Variants in SLC25A35 observed in about 807,000 individuals in gnomAD.
SLC25A35 encodes solute carrier family 25, member 35.
A neutral mutation model predicts 30.5 loss-of-function variants in SLC25A35; 32 were observed. The observed-to-expected ratio is 1.05, with a 90% CI of 0.79 to 1.41. The LOEUF is 1.41. Ranked by LOEUF, SLC25A35 falls within the 40% of genes most tolerant of loss-of-function variation. The pLI, the probability that SLC25A35 is intolerant of heterozygous loss-of-function variation, is 0.00. For synonymous variants in SLC25A35, 142 were observed against 158.1 expected, an observed-to-expected ratio of 0.90 and a Z score of 0.77; for missense variants, 369 against 388.0, an observed-to-expected ratio of 0.95 and a Z score of 0.41.
At chr17:8,291,122 G>T (rs996851421) in intron 3 of SLC25A35, 146 bp from the exon 4 acceptor site, 2 of 1,323,782 alleles carry the variant, frequency 1.5e-6, no homozygotes, top group Non-Finnish European at 1.0e-6. Context: ...CAGTGAGAAG[G>T]AGGAAGGCCA....
In SLC25A35 at chr17:8,290,359, T is replaced by C; in HGVS notation, c.*146A>G. 1 of 1,444,790 alleles carries C rather than the reference T, an allele frequency of 6.9e-7. No individual in the cohort carries two copies. The highest frequency in any genetic ancestry group is 9.1e-7 in the Non-Finnish European group (1 of 1,104,212). The allele number at this position is 1,444,790 out of a possible 1,614,324, so 89.5% of individuals were successfully genotyped here. A position where few individuals can be genotyped will look rare whatever the true frequency, so the allele number is the denominator to read the frequency against. The stretch of plus-strand genomic sequence containing the variant: ...AAGGGAAACTCATCTCTTGTAGTGA[T>C]TCAACCCTGAGAACAGATGGGGAGT... On this transcript the variant is annotated 3_prime_UTR_variant, in exon 5 of 5. Coordinates refer to ENST00000577745, the MANE Select transcript of SLC25A35 (RefSeq NM_001320870.2).
intron 1 of SLC25A35, among the ~76,000 whole-genome samples, chr17:8,293,632 A>G (rs2151621039): frequency 6.6e-6 from 1 of 150,476 alleles, no homozygotes; most frequent in Middle Eastern, 3.4e-3. Flanking sequence ...GCTCACTGCA[A>G]GCTCCGCCTC....
At chr17:8,289,480 C>T (rs1990308088), downstream of SLC25A35, 1 of 1,614,176 alleles carries the variant, frequency 6.2e-7, no homozygotes, top group Non-Finnish European at 8.5e-7. Flanking sequence ...TCCAGGTAAG[C>T]ATCCTGACTC....
At position 8,294,727 on chromosome 17, in the gene SLC25A35, C is replaced by A; in HGVS notation, c.81G>T (p.Met27Ile). 1.9e-6 allele frequency: 3 copies of A among 1,614,126 alleles called. No homozygotes were observed. The highest frequency in any genetic ancestry group is 1.7e-6 in the Non-Finnish European group (2 of 1,179,992). ...TNPLEVVKTR[M>I]QLQGELQAPG... ...GGGCCTGCAGTTCTCCTTGCAACTG[C>A]ATCCTGGTCTTCACCACCTCCAGGG... The change falls in exon 1 of 5, where the codon ATG (methionine) becomes ATT (isoleucine). Residue 27 changes from methionine (M) to isoleucine (I), a missense_variant. Transcript: ENST00000577745.
chr17:8,295,228 G>C lies in SLC25A35; in HGVS notation c.-421C>G, dbSNP rs977196762. The C allele has an allele frequency of 5.0e-6, 5 of 993,588 alleles. No individual in the cohort carries two copies. In the African/African-American group the frequency reaches 8.7e-5, roughly 17 times the overall value. The allele number at this position is 993,588 out of a possible 1,614,324, so 61.5% of individuals were successfully genotyped here. On this transcript the variant is annotated 5_prime_UTR_variant, in exon 1 of 5. Coordinates refer to ENST00000577745, the MANE Select transcript of SLC25A35 (RefSeq NM_001320870.2). ...AGCAAGTGAGAGAAGAAAAGGATCC[G>C]GGAGAAGAGCCGGTGATTTCCTCGA...
In SLC25A35 at chr17:8,291,378, C is replaced by T. The variant is rs1444501320; in HGVS notation, c.549G>A (p.Gln183=). 1.8e-5 allele frequency: 29 copies of T among 1,614,078 alleles called. No homozygotes were observed. The highest frequency in any genetic ancestry group is 2.4e-5 in the Non-Finnish European group (28 of 1,180,052). ...LPRVIVGSST[Q]LCTFSSTKDL... is the part of the protein sequence containing the mutation. ...CCTTGGTGGATGAGAAGGTGCACAG[C>T]TGGGTGGAGGAACCGACGATAACTC... The change falls in exon 3 of 5, where the codon CAG becomes CAA. Residue 183 remains glutamine (Q), a synonymous_variant. Transcript: ENST00000577745.
chr17:8,290,628 G>A lies in SLC25A35; in HGVS notation c.780C>T (p.Thr260=), dbSNP rs940570054. The A allele has an allele frequency of 7.8e-6, 12 of 1,540,858 alleles. No individual in the cohort carries two copies. The highest frequency in any genetic ancestry group is 1.2e-5 in the South Asian group (1 of 85,150). ...ILDALLQTAR[T]EGIFGMYKGI... The stretch of plus-strand genomic sequence containing the variant: ...CCTTGTACATGCCAAAAATGCCCTC[G>A]GTCCGAGCTGTCTGCAGCAGAGCGT... The change falls in exon 5 of 5, where the codon ACC becomes ACT. Residue 260 remains threonine (T), a synonymous_variant. Transcript: ENST00000577745.
chr17:8,292,775 G>A (rs777944304), intron 1 of SLC25A35, among the ~76,000 whole-genome samples, 187 bp from the exon 2 acceptor site: 4 of 152,146 alleles, frequency 2.6e-5, no homozygotes, highest in Non-Finnish European at 5.9e-5. Flanking sequence ...CCAGCCCCAG[G>A]GGGGTGGATC....
At chr17:8,289,054 G>A (rs750625803), downstream of SLC25A35, 5 of 1,613,628 alleles carry the variant, frequency 3.1e-6, no homozygotes, top group East Asian at 2.2e-5. Context: ...GCCCACGTAC[G>A]GGGCGAAGCG....
chr17:8,289,721 T>A, downstream of SLC25A35: 1 of 1,613,892 alleles, frequency 6.2e-7, no homozygotes, highest in South Asian at 1.1e-5. Flanking sequence ...TTGGGGTAAC[T>A]GATACCCAGG....
In SLC25A35 at chr17:8,290,640, C is replaced by T. The variant is rs1240888162; in HGVS notation, c.768G>A (p.Gln256=). The part of the protein sequence containing the change: ...MYRGILDALL[Q]TARTEGIFGM... Reference sequence around the variant, plus strand: ...CAAAAATGCCCTCGGTCCGAGCTGTCTGCAGCAGAGCGTCCAGTATCCCCC... The same window carrying T: ...CAAAAATGCCCTCGGTCCGAGCTGTTTGCAGCAGAGCGTCCAGTATCCCCC... The change falls in exon 5 of 5, where the codon CAG becomes CAA. Residue 256 remains glutamine (Q), a synonymous_variant. Transcript: ENST00000577745. 16 of 1,549,742 alleles carry T rather than the reference C, an allele frequency of 1.0e-5. No individual in the cohort carries two copies. Among genetic ancestry groups the T allele is most frequent in the Middle Eastern group, 1.7e-4 (1 of 6,022 alleles).
downstream of SLC25A35, chr17:8,289,012 A>G: frequency 1.2e-6 from 2 of 1,614,102 alleles, no homozygotes; most frequent in Non-Finnish European, 1.7e-6. Flanking sequence ...GTGACGGACC[A>G]GAGCCTGATA....
rs752753898 is a variant in SLC25A35 at position 8,291,446 on chromosome 17, CAT to C, written c.479_480del (p.His160ArgfsTer67). The C allele has an allele frequency of 1.2e-6, 2 of 1,614,228 alleles. No individual in the cohort carries two copies. Among genetic ancestry groups the C allele is most frequent in the Non-Finnish European group, 1.7e-6 (2 of 1,180,028 alleles). On this transcript the variant is annotated frameshift_variant, in exon 3 of 5. Transcript: ENST00000577745. LOFTEE classifies it high-confidence loss of function. ...GCCCCACGCCATAACCCCACCAGAC[CAT>C]GTTTCTGGCCAATCTCGGTTAGCGC... ...FQALTEIGQK[H>X]GLVGLWRGAL...
downstream of SLC25A35, chr17:8,288,697 T>C: frequency 7.1e-7 from 1 of 1,408,630 alleles, no homozygotes; most frequent in Non-Finnish European, 1.0e-6. Context: ...CGGGTGGCGG[T>C]GGCAGCTGCG....
downstream of SLC25A35, chr17:8,289,063 C>A (rs1270315228): frequency 2.0e-5 from 32 of 1,613,442 alleles, no homozygotes; most frequent in Non-Finnish European, 2.7e-5. Context: ...CGGGGCGAAG[C>A]GGCTGCGCGG....
At position 8,294,887 on chromosome 17, in the gene SLC25A35, G is replaced by T; in HGVS notation, c.-80C>A. On this transcript the variant is annotated 5_prime_UTR_variant, in exon 1 of 5. Coordinates refer to ENST00000577745, the MANE Select transcript of SLC25A35 (RefSeq NM_001320870.2). ...TCAGAAAGCGGGGTTGGAAGACAGG[G>T]GGAAGGCCTGTTTCAGCAGTACAGG... 1.3e-6 allele frequency: 2 copies of T among 1,508,284 alleles called. No individual in the cohort carries two copies. 93.4% of individuals were successfully genotyped at this position (1,508,284 alleles called of 1,614,324 possible).
rs936111904 is a variant in SLC25A35, at chr17:8,295,360, C to G, written c.-553G>C. 1.6e-5 allele frequency: 16 copies of G among 985,664 alleles called. No homozygotes were observed. The highest frequency in any genetic ancestry group is 5.2e-4 in the Middle Eastern group (1 of 1,940). The allele number at this position is 985,664 out of a possible 1,614,324, so 61.1% of individuals were successfully genotyped here. On this transcript the variant is annotated 5_prime_UTR_variant, in exon 1 of 5. Coordinates refer to ENST00000577745, the MANE Select transcript of SLC25A35 (RefSeq NM_001320870.2). ...CCGGAGCTCGCAGTAGCTTCAACCC[C>G]GGGTAGCCTGCGGAGGCCGGGCCGC...
Position 8,295,103 on chromosome 17 carries a change from G to A in SLC25A35, c.-296C>T, listed in dbSNP as rs1990772882. The A allele has an allele frequency of 1.8e-6, 2 of 1,137,084 alleles. No homozygotes were observed. The highest frequency in any genetic ancestry group is 1.6e-5 in the African/African-American group (1 of 61,910). 70.4% of individuals were successfully genotyped at this position (1,137,084 alleles called of 1,614,324 possible). A position where few individuals can be genotyped will look rare whatever the true frequency, so the allele number is the denominator to read the frequency against. Reference sequence around the variant, plus strand: ...GAGGGGCAAAAGACAGAAGGTTGCAGGTGGGATGGCTCAGGATGGCGGGCG... The same window carrying A: ...GAGGGGCAAAAGACAGAAGGTTGCAAGTGGGATGGCTCAGGATGGCGGGCG... On this transcript the variant is annotated 5_prime_UTR_variant, in exon 1 of 5. Coordinates refer to ENST00000577745, the MANE Select transcript of SLC25A35 (RefSeq NM_001320870.2).
chr17:8,290,724 G>T (rs766014181), intron 4 of SLC25A35, 46 bp from the exon 5 acceptor site: 1 of 1,601,128 alleles, frequency 6.2e-7, no homozygotes, highest in African/African-American at 1.3e-5. Context: ...GAAGGAGTTT[G>T]TCAGAGCCCA....
Sources: gnomAD v4.1 joint callset for allele counts (sites outside exome capture counted in the v4.1 genomes callset) on GRCh38, gnomAD v4.1.1 for gene constraint, MANE v1.5 for transcripts, NCBI Gene and HGNC (gene_info 2026-07-23, HGNC 2026-07-21) for gene names.